The following UBE2K variants were observed in gnomAD, a reference collection of about 807,000 sequenced individuals.
The protein encoded by UBE2K is ubiquitin-conjugating enzyme E2 K.
UBE2K carries 6 observed loss-of-function variants against 30.0 expected under a neutral mutation model. The observed-to-expected ratio is 0.20, with a 90% CI of 0.11 to 0.39. UBE2K has a LOEUF of 0.39. Among genes scored for constraint, UBE2K ranks in the 10% least tolerant of loss-of-function variants. The pLI, the probability that UBE2K is intolerant of heterozygous loss-of-function variation, is 1.00. For missense variants in UBE2K, 61 were observed against 241.6 expected, an observed-to-expected ratio of 0.25 and a Z score of 4.96; for synonymous variants, 86 against 83.7, an observed-to-expected ratio of 1.03 and a Z score of -0.15.
At chr4:39,769,893 C>T (rs1712647925) in intron 4 of UBE2K, among the ~76,000 whole-genome samples, 1 of 152,134 alleles carries the variant, frequency 6.6e-6, no homozygotes, top group Admixed American at 6.6e-5. Context: ...GCTTCTTGCA[C>T]TCTCAAGAGC....
At chr4:39,700,564 A>G (rs534612631) in intron 1 of UBE2K, among the ~76,000 whole-genome samples, 18 of 152,340 alleles carry the variant, frequency 1.2e-4, no homozygotes, top group Admixed American at 9.2e-4. Context: ...CCCCAGTTCT[A>G]TAAGTGTATT....
chr4:39,739,527 A>C (rs2109352200), intron 2 of UBE2K, among the ~76,000 whole-genome samples: 1 of 137,840 alleles, frequency 7.3e-6, no homozygotes. Context: ...GCTCACTGCA[A>C]CCTCCGCCTC....
chr4:39,770,159 G>A, intron 4 of UBE2K: 3 of 1,605,828 alleles, frequency 1.9e-6, no homozygotes, highest in Non-Finnish European at 2.5e-6. Flanking sequence ...GTTGCTCCTT[G>A]AGATGCCGCC....
chr4:39,759,722 C>T (rs560537869), intron 4 of UBE2K, among the ~76,000 whole-genome samples: 2 of 152,288 alleles, frequency 1.3e-5, no homozygotes, highest in Admixed American at 6.5e-5. Context: ...CACTCAGTGA[C>T]GCTGCCCTTC....
At chr4:39,711,480 C>G (rs1431864877) in intron 1 of UBE2K, among the ~76,000 whole-genome samples, 1 of 151,772 alleles carries the variant, frequency 6.6e-6, no homozygotes, top group Non-Finnish European at 1.5e-5. Flanking sequence ...TTTTAAAGAT[C>G]TGTGATAGTG....
At chr4:39,762,944 T>TTTTTTTTTC in intron 4 of UBE2K, among the ~76,000 whole-genome samples, 1 of 134,434 alleles carries the variant, frequency 7.4e-6, no homozygotes, top group Non-Finnish European at 1.6e-5. Context: ...CACTTTTTTT[T>TTTTTTTTTC]TTTTTTTTTT....
chr4:39,770,140 T>G, intron 4 of UBE2K: 6 of 1,598,964 alleles, frequency 3.8e-6, no homozygotes, highest in Non-Finnish European at 4.3e-6. Flanking sequence ...TCGGCGGTGG[T>G]CTTGCCGTGT....
chr4:39,770,631 T>TCCGACAGGCTATAGCAGGCCTTCA (rs1712733464), intron 4 of UBE2K: 2 of 1,599,448 alleles, frequency 1.3e-6, no homozygotes, highest in South Asian at 2.2e-5. Flanking sequence ...TTCTGCGTTC[T>TCCGACAGGCTATAGCAGGCCTTCA]CCGACAGGCT....
chr4:39,765,251 T>C (rs957263569), intron 4 of UBE2K, among the ~76,000 whole-genome samples: 1 of 152,138 alleles, frequency 6.6e-6, no homozygotes, highest in African/African-American at 2.4e-5. Flanking sequence ...CCAGGCATCG[T>C]GGCTCATGCC....
rs564712672 is a variant in UBE2K, at chr4:39,702,231, C to CTTTTT, written c.63+3877_63+3881dup. 1.4e-3 allele frequency among the ~76,000 whole-genome samples: 94 copies of CTTTTT among 67,308 alleles called. 2 individuals are homozygous for CTTTTT. The highest frequency in any genetic ancestry group is 2.1e-3 in the Non-Finnish European group (75 of 36,502). 44.2% of individuals were successfully genotyped at this position (67,308 alleles called of 152,430 possible). ...ATTTTCTTTTCTTTTCTTTTCTTTT[C>CTTTTT]TTTTTTTTTTTTTTTTTTTTTTTTT... On this transcript the variant is annotated intron_variant, in intron 1 of 6. Transcript: ENST00000261427.
intron 1 of UBE2K, among the ~76,000 whole-genome samples, chr4:39,724,203 G>A (rs1396258315): frequency 6.6e-6 from 1 of 150,876 alleles, no homozygotes; most frequent in African/African-American, 2.4e-5. Context: ...GAACTCCTGG[G>A]CTCAAGTGAT....
chr4:39,764,889 AT>A (rs11407158), intron 4 of UBE2K, among the ~76,000 whole-genome samples: 4 of 147,628 alleles, frequency 2.7e-5, no homozygotes, highest in Non-Finnish European at 6.0e-5. Context: ...GAACTTATTA[AT>A]TTTTTTTTTT....
At chr4:39,774,547 A>G (rs904170492) in intron 4 of UBE2K, among the ~76,000 whole-genome samples, 3 of 151,700 alleles carry the variant, frequency 2.0e-5, no homozygotes, top group African/African-American at 7.3e-5. Context: ...CGGGAGGCGG[A>G]GCTTGCAGTG....
At chr4:39,757,024 T>G (rs1255852822) in intron 4 of UBE2K, among the ~76,000 whole-genome samples, 6 of 101,142 alleles carry the variant, frequency 5.9e-5, no homozygotes, top group Admixed American at 3.3e-4. Flanking sequence ...TTTTGTTTTT[T>G]GTTTTTTGTT....
chr4:39,747,401 C>T (rs531960191), intron 3 of UBE2K, among the ~76,000 whole-genome samples: 11 of 152,206 alleles, frequency 7.2e-5, no homozygotes, highest in East Asian at 5.8e-4. Context: ...TCTGTTTCTC[C>T]GAGTTTGATT....
At chr4:39,718,234 T>C (rs572277663) in intron 1 of UBE2K, among the ~76,000 whole-genome samples, 3 of 152,316 alleles carry the variant, frequency 2.0e-5, no homozygotes, top group East Asian at 3.9e-4. Context: ...TTACAATCCC[T>C]GAGCTAGACA....
rs10007588 is a variant in UBE2K at position 39,760,390 on chromosome 4, C to T, written c.299+4651C>T. Among the ~76,000 whole-genome samples, 904 of 152,008 alleles carry T rather than the reference C, an allele frequency of 5.9e-3. 7 individuals are homozygous for T. The highest frequency in any genetic ancestry group is 0.021 in the African/African-American group (857 of 41,458). On this transcript the variant is annotated intron_variant, in intron 4 of 6. Coordinates refer to ENST00000261427, the MANE Select transcript of UBE2K (RefSeq NM_005339.5). ...ATGGCAGATTTATTAATAGCCCCAA[C>T]GGGAAATAACTTAGATGTCTCATCA...
intron 3 of UBE2K, among the ~76,000 whole-genome samples, chr4:39,749,083 C>G (rs368180119): frequency 6.6e-5 from 10 of 152,134 alleles, no homozygotes; most frequent in African/African-American, 2.4e-4. Context: ...GTTATATTCT[C>G]ATTACTACTG....
rs1210559020 is a variant in UBE2K, at chr4:39,770,709, T to C, written c.300-4125T>C. ...GGGGGGCACGCTGCTCTGGGCCAGC[T>C]CCCCAAGGTGGCCACCCACGGAGCC... On this transcript the variant is annotated intron_variant, in intron 4 of 6. Coordinates refer to ENST00000261427, the MANE Select transcript of UBE2K (RefSeq NM_005339.5). 1.7e-5 allele frequency: 27 copies of C among 1,571,140 alleles called. 1 individual carries two copies. Among genetic ancestry groups the C allele is most frequent in the Admixed American group, 1.8e-5 (1 of 54,066 alleles).
Sources: allele counts gnomAD v4.1 joint callset (sites outside exome capture counted in the v4.1 genomes callset), GRCh38; gene constraint gnomAD v4.1.1; transcripts MANE v1.5; gene names NCBI Gene and HGNC (gene_info 2026-07-23, HGNC 2026-07-21).